The following ADAMTS17 variants were observed in gnomAD, a reference collection of about 807,000 sequenced individuals.
ADAMTS17 encodes A disintegrin and metalloproteinase with thrombospondin motifs 17.
ADAMTS17 carries 113 observed loss-of-function variants against 141.5 expected under a neutral mutation model. That is an observed-to-expected ratio of 0.80 (90% CI 0.69 to 0.93). ADAMTS17 has a LOEUF of 0.93. ADAMTS17 is among the 40% of genes least tolerant of loss of function. ADAMTS17 has a pLI of 0.00. For synonymous variants in ADAMTS17, 768 were observed against 630.6 expected (o/e 1.22, Z -3.27); for missense variants, 1,659 against 1,517.9 (o/e 1.09, Z -1.54).
At chr15:100,211,541 T>A (rs1409948639) in intron 7 of ADAMTS17, among the ~76,000 whole-genome samples, 1 of 152,116 alleles carries the variant, frequency 6.6e-6, no homozygotes, top group Non-Finnish European at 1.5e-5. Context: ...GAAAATGTAG[T>A]GGAGGTCTTT....
chr15:99,994,366 C>G (rs576761954), intron 19 of ADAMTS17, among the ~76,000 whole-genome samples: 1 of 151,824 alleles, frequency 6.6e-6, no homozygotes, highest in African/African-American at 2.4e-5. Flanking sequence ...ACCCATAATC[C>G]CAGCACTTTG....
rs2036782493 is a variant in ADAMTS17, at chr15:100,111,548, A to T, written c.1889-2432T>A. The stretch of plus-strand genomic sequence containing the variant: ...GAGCTGGTGGGAGAAATACAGCAAC[A>T]CAGCCCCCAGCGTGGAGTCTACTCC... On this transcript the variant is annotated intron_variant, in intron 13 of 21. Coordinates refer to ENST00000268070, the MANE Select transcript of ADAMTS17 (RefSeq NM_139057.4). Among the ~76,000 whole-genome samples, 9 of 152,362 alleles carry T rather than the reference A, an allele frequency of 5.9e-5. No individual in the cohort carries two copies. The South Asian group carries it at 1.9e-3, about 32-fold the overall frequency.
At chr15:100,079,697 C>G (rs1000969675) in intron 15 of ADAMTS17, among the ~76,000 whole-genome samples, 9 of 152,192 alleles carry the variant, frequency 5.9e-5, no homozygotes, top group African/African-American at 1.7e-4. Context: ...TTTGTCCTCA[C>G]TGGAATAGAC....
chr15:99,989,156 C>A (rs115524309), intron 20 of ADAMTS17, among the ~76,000 whole-genome samples: 1 of 152,134 alleles, frequency 6.6e-6, no homozygotes, highest in Non-Finnish European at 1.5e-5. Context: ...GGGGTGTGGG[C>A]GAGTCACGGA....
At chr15:100,134,032 C>G (rs1334993388) in intron 10 of ADAMTS17, among the ~76,000 whole-genome samples, 1 of 152,218 alleles carries the variant, frequency 6.6e-6, no homozygotes, top group South Asian at 2.1e-4. Flanking sequence ...ATCTGGGCAT[C>G]GACAAAGTGC....
intron 12 of ADAMTS17, among the ~76,000 whole-genome samples, chr15:100,117,290 T>G (rs1223729739): frequency 6.6e-6 from 1 of 152,104 alleles, no homozygotes; most frequent in Non-Finnish European, 1.5e-5. Context: ...ATCCACACAT[T>G]GCGTCCTTCA....
At chr15:100,054,714 G>A (rs900728254) in intron 15 of ADAMTS17, among the ~76,000 whole-genome samples, 20 of 152,212 alleles carry the variant, frequency 1.3e-4, no homozygotes, top group Admixed American at 4.6e-4. Flanking sequence ...GCTGAGCGTA[G>A]CAGGGGAGAG....
At chr15:100,300,791 C>A (rs2045003634) in intron 3 of ADAMTS17, among the ~76,000 whole-genome samples, 1 of 152,216 alleles carries the variant, frequency 6.6e-6, no homozygotes, top group African/African-American at 2.4e-5. Flanking sequence ...CTGGAACATG[C>A]TGCAGCTCCA....
chr15:100,143,125 G>A (rs2038737459), intron 10 of ADAMTS17, among the ~76,000 whole-genome samples: 1 of 152,226 alleles, frequency 6.6e-6, no homozygotes, highest in Non-Finnish European at 1.5e-5. Flanking sequence ...GACCAGGGTG[G>A]TGGTGATGGG....
rs1485538528 is a variant in ADAMTS17, at chr15:100,275,001, A to G, written c.789+6228T>C. 2.0e-5 allele frequency among the ~76,000 whole-genome samples: 3 copies of G among 152,198 alleles called. 1 individual carries two copies. The highest frequency in any genetic ancestry group is 7.2e-5 in the African/African-American group (3 of 41,444). On this transcript the variant is annotated intron_variant, in intron 4 of 21. Transcript: ENST00000268070. Reference sequence around the variant, plus strand: ...AACCTCAGCAGAATGGTTTTTTGAAAGCAAATAAATATGGAATTGTAAATT... The same window carrying G: ...AACCTCAGCAGAATGGTTTTTTGAAGGCAAATAAATATGGAATTGTAAATT...
At chr15:100,127,060 G>A (rs1449311008) in intron 12 of ADAMTS17, among the ~76,000 whole-genome samples, 1 of 152,196 alleles carries the variant, frequency 6.6e-6, no homozygotes, top group Non-Finnish European at 1.5e-5. Context: ...GGTAAGTTAA[G>A]GAAAGGGAAG....
intron 15 of ADAMTS17, among the ~76,000 whole-genome samples, chr15:100,063,975 C>T (rs2033325457): frequency 6.6e-6 from 1 of 152,088 alleles, no homozygotes; most frequent in Non-Finnish European, 1.5e-5. Context: ...TGAGTGGTGT[C>T]CCCCTCCTCC....
At chr15:100,076,686 T>G (rs1274844499) in intron 15 of ADAMTS17, among the ~76,000 whole-genome samples, 1 of 152,170 alleles carries the variant, frequency 6.6e-6, no homozygotes, top group Non-Finnish European at 1.5e-5. Flanking sequence ...ATCAGTGTGT[T>G]CATTGTCATT....
chr15:100,148,583 G>A (rs2039017838), intron 10 of ADAMTS17, among the ~76,000 whole-genome samples: 1 of 151,670 alleles, frequency 6.6e-6, no homozygotes, highest in Non-Finnish European at 1.5e-5. Flanking sequence ...TGCTTCTAAT[G>A]AGAGGTGTAC....
intron 4 of ADAMTS17, among the ~76,000 whole-genome samples, chr15:100,276,954 C>T (rs1332406005): frequency 6.6e-6 from 1 of 152,102 alleles, no homozygotes; most frequent in Non-Finnish European, 1.5e-5. Flanking sequence ...CTGAACGGAA[C>T]TTGTTTTTCA....
chr15:100,054,268 C>A (rs933403407), intron 15 of ADAMTS17, among the ~76,000 whole-genome samples: 1 of 152,124 alleles, frequency 6.6e-6, no homozygotes, highest in Non-Finnish European at 1.5e-5. Context: ...CCCTAGGATC[C>A]CCAGGGAGAG....
chr15:100,290,944 C>G (rs1378055162), intron 3 of ADAMTS17, among the ~76,000 whole-genome samples: 3 of 152,004 alleles, frequency 2.0e-5, no homozygotes, highest in African/African-American at 7.2e-5. Context: ...CCCTCCTTAC[C>G]AAAGATTTCA....
In ADAMTS17 at chr15:100,330,978, C is replaced by T. The variant is rs762704060; in HGVS notation, c.527G>A (p.Arg176Gln). The part of the protein sequence containing the change: ...LNNSQGPFSG[R>Q]EHLIRRKWSL... ...CCATTTGCGCCTGATCAGATGTTCT[C>T]GTCCACTGAATGGGCCCTGGGAGTT... Residue 176 changes from arginine (R) to glutamine (Q), a missense_variant, in exon 3 of 22, where the codon CGA becomes CAA. Physicochemically the swap from Arg to Gln is conservative, Grantham distance 43. Coordinates refer to ENST00000268070, the MANE Select transcript of ADAMTS17 (RefSeq NM_139057.4). The T allele has an allele frequency of 2.1e-5, 34 of 1,614,014 alleles. No homozygotes were observed. Among genetic ancestry groups the T allele is most frequent in the Middle Eastern group, 1.6e-4 (1 of 6,084 alleles).
intron 12 of ADAMTS17, among the ~76,000 whole-genome samples, chr15:100,130,928 G>A (rs550979986): frequency 2.6e-5 from 4 of 152,182 alleles, no homozygotes; most frequent in Admixed American, 1.3e-4. Context: ...TATGTTTATT[G>A]TGGCACTATT....
Sources: gnomAD v4.1 joint callset for allele counts (sites outside exome capture counted in the v4.1 genomes callset) on GRCh38, gnomAD v4.1.1 for gene constraint, MANE v1.5 for transcripts, NCBI Gene and HGNC (gene_info 2026-07-23, HGNC 2026-07-21) for gene names.